The following MTMR7 variants were observed in gnomAD, a reference collection of about 807,000 sequenced individuals.
MTMR7 encodes the protein myotubularin related protein 7.
In MTMR7, 76 loss-of-function variants were observed where a neutral mutation model predicts 81.2. The ratio of observed to expected loss-of-function variants is 0.94; its 90% CI spans 0.78 to 1.13. The LOEUF (loss-of-function observed/expected upper bound fraction) is 1.13. MTMR7 is among the 50% of genes most tolerant of loss of function. MTMR7 has a pLI of 0.00. For missense variants in MTMR7, 1,044 were observed against 820.0 expected (o/e 1.27, Z -3.34); for synonymous variants, 372 against 289.8 (o/e 1.28, Z -2.88).
At chr8:17,364,018 ATTATTTTT>A (rs1335049376) in intron 3 of MTMR7, among the ~76,000 whole-genome samples, 2 of 53,804 alleles carry the variant, frequency 3.7e-5, no homozygotes, top group Admixed American at 1.8e-4. Flanking sequence ...AAGTGTTGCT[ATTATTTTT>A]TTTTTTTTTT....
chr8:17,304,464 A>G lies in MTMR7; in HGVS notation c.1408T>C (p.Tyr470His), dbSNP rs370848870. The change falls in exon 12 of 14, where the codon TAC (tyrosine) becomes CAC (histidine). Residue 470 changes from tyrosine to histidine, a missense_variant. Coordinates refer to ENST00000180173, the MANE Select transcript of MTMR7 (RefSeq NM_004686.5). The part of the protein sequence containing the change: ...WAHLWKNRAD[Y>H]LNPLFRADHS... ...TCAGCTCTAAACAGAGGATTCAGGTAGTCGGCCCGATTCTTCCACAGGTGA... is the reference window on the plus strand; with the variant it reads ...TCAGCTCTAAACAGAGGATTCAGGTGGTCGGCCCGATTCTTCCACAGGTGA... 9 of 1,613,982 alleles carry G rather than the reference A, an allele frequency of 5.6e-6. No homozygotes were observed. The highest frequency in any genetic ancestry group is 1.3e-5 in the African/African-American group (1 of 74,924).
chr8:17,362,252 A>T (rs1298394332), intron 3 of MTMR7, among the ~76,000 whole-genome samples: 1 of 152,212 alleles, frequency 6.6e-6, no homozygotes, highest in Non-Finnish European at 1.5e-5. Flanking sequence ...AATATTTGAT[A>T]CATTTTGTTT....
chr8:17,369,941 G>A (rs1820361140), intron 3 of MTMR7, among the ~76,000 whole-genome samples: 1 of 151,970 alleles, frequency 6.6e-6, no homozygotes, highest in South Asian at 2.1e-4. Flanking sequence ...CACCGCGTCA[G>A]GCCGAGTATA....
chr8:17,382,449 C>T (rs1820787698), intron 1 of MTMR7, among the ~76,000 whole-genome samples: 1 of 152,194 alleles, frequency 6.6e-6, no homozygotes, highest in Non-Finnish European at 1.5e-5. Flanking sequence ...TGAGTTATTT[C>T]TGTCTCTCAT....
chr8:17,347,657 T>G (rs575548412), intron 5 of MTMR7, among the ~76,000 whole-genome samples: 1 of 152,288 alleles, frequency 6.6e-6, no homozygotes, highest in Non-Finnish European at 1.5e-5. Flanking sequence ...TTAAACCACC[T>G]TTTTTAAAGG....
rs896488449 is a variant in MTMR7, at chr8:17,400,379, G to C, written c.24+12890C>G. Among the ~76,000 whole-genome samples the C allele has an allele frequency of 1.8e-4, 27 of 152,166 alleles. 1 individual carries two copies. Among genetic ancestry groups the C allele is most frequent in the Admixed American group, 9.2e-4 (14 of 15,268 alleles). ...AGTGAGCTGTAAGAGGCAGAGTGAG[G>C]ATTCAAAACCAGGCATTGTGGCCCC... On this transcript the variant is annotated intron_variant, in intron 1 of 13. Transcript: ENST00000180173.
At chr8:17,373,058 C>G in intron 2 of MTMR7, 60 bp downstream of exon 2, 1 of 1,592,148 alleles carries the variant, frequency 6.3e-7, no homozygotes, top group South Asian at 1.1e-5. Context: ...GAATGGAGGG[C>G]AAACACTTTT....
chr8:17,305,165 G>A (rs192191141), intron 11 of MTMR7, among the ~76,000 whole-genome samples: 1 of 152,100 alleles, frequency 6.6e-6, no homozygotes, highest in Non-Finnish European at 1.5e-5. Flanking sequence ...CATTTCATTT[G>A]AACTGATCAT....
intron 7 of MTMR7, among the ~76,000 whole-genome samples, chr8:17,325,676 G>A (rs1304901148): frequency 6.6e-6 from 1 of 152,186 alleles, no homozygotes. Flanking sequence ...AACTTGCTGA[G>A]AAAATACCCA....
intron 10 of MTMR7, among the ~76,000 whole-genome samples, chr8:17,307,212 A>G (rs1000033426): frequency 1.3e-5 from 2 of 152,222 alleles, no homozygotes; most frequent in African/African-American, 4.8e-5. Context: ...AACCCCATCA[A>G]AAAGTGGGCA....
chr8:17,299,881 G>A lies in MTMR7; in HGVS notation c.1964C>T (p.Ala655Val), dbSNP rs755942053. The change falls in exon 14 of 14, where the codon GCC becomes GTC. Residue 655 changes from alanine (A) to valine (V), a missense_variant. Transcript: ENST00000180173. ...GAAACTTCAGGCAGTGAGAAACACG[G>A]CTTCATCAGAATCCCGGTCCTTGCC... is the stretch of plus-strand genomic sequence containing the variant. ...DSGKDRDSDE[A>V]VFLTA 1.2e-6 allele frequency: 2 copies of A among 1,614,046 alleles called. No individual in the cohort carries two copies. Among genetic ancestry groups the A allele is most frequent in the Non-Finnish European group, 1.7e-6 (2 of 1,179,966 alleles).
At chr8:17,380,190 A>G (rs1231731482) in intron 1 of MTMR7, among the ~76,000 whole-genome samples, 1 of 152,210 alleles carries the variant, frequency 6.6e-6, no homozygotes, top group Admixed American at 6.5e-5. Flanking sequence ...GGGGCATTTC[A>G]AAGAACTCCA....
Position 17,299,468 on chromosome 8 carries a change from A to G in MTMR7, c.*394T>C. The G allele has an allele frequency of 5.7e-6, 1 of 174,466 alleles. No individual in the cohort carries two copies. Among genetic ancestry groups the G allele is most frequent in the Non-Finnish European group, 1.2e-5 (1 of 80,474 alleles). The allele number at this position is 174,466 out of a possible 1,614,324, so 10.8% of individuals were successfully genotyped here. A position where few individuals can be genotyped will look rare whatever the true frequency, so the allele number is the denominator to read the frequency against. On this transcript the variant is annotated 3_prime_UTR_variant, in exon 14 of 14. Coordinates refer to ENST00000180173, the MANE Select transcript of MTMR7 (RefSeq NM_004686.5). ...ATGCTTTAGAAAACACAAAATATGC[A>G]TCTAGAAGTGAACTAAAAGAATCAT...
chr8:17,320,740 A>T (rs1818342769), intron 7 of MTMR7, among the ~76,000 whole-genome samples: 1 of 152,206 alleles, frequency 6.6e-6, no homozygotes, highest in Non-Finnish European at 1.5e-5. Flanking sequence ...AATACCAGAC[A>T]GGCCCTCCAA....
chr8:17,394,620 G>A (rs990199040), intron 1 of MTMR7, among the ~76,000 whole-genome samples: 1 of 152,070 alleles, frequency 6.6e-6, no homozygotes, highest in African/African-American at 2.4e-5. Context: ...AGTAGTGATG[G>A]TTACATAATG....
intron 1 of MTMR7, among the ~76,000 whole-genome samples, chr8:17,382,518 A>G (rs1394661111): frequency 1.4e-5 from 2 of 146,068 alleles, no homozygotes; most frequent in African/African-American, 5.4e-5. Flanking sequence ...GTACTCAAAA[A>G]TAAAGACTTT....
chr8:17,306,549 C>T (rs1010123128), intron 10 of MTMR7, among the ~76,000 whole-genome samples: 1 of 152,184 alleles, frequency 6.6e-6, no homozygotes, highest in African/African-American at 2.4e-5. Flanking sequence ...TCAGACTCGT[C>T]TTCCTCAAAT....
Position 17,396,509 on chromosome 8 carries a change from TG to T in MTMR7, c.24+16759del, listed in dbSNP as rs201243734. Among the ~76,000 whole-genome samples the T allele has an allele frequency of 9.7e-4, 148 of 152,176 alleles. 2 individuals are homozygous for T. In the East Asian group the frequency reaches 0.025, roughly 26 times the overall value. On this transcript the variant is annotated intron_variant, in intron 1 of 13. Transcript: ENST00000180173. ...GCCCTACCATAGCAAAGCAAAGATG[TG>T]TTGGGCTCAGGGAGTATGTGGACCA...
At chr8:17,402,665 A>G (rs1321643351) in intron 1 of MTMR7, among the ~76,000 whole-genome samples, 3 of 152,152 alleles carry the variant, frequency 2.0e-5, no homozygotes, top group Non-Finnish European at 1.5e-5. Flanking sequence ...TCGTCTGTTG[A>G]TGGCCACTTA....
Sources: allele counts gnomAD v4.1 joint callset (sites outside exome capture counted in the v4.1 genomes callset), GRCh38; gene constraint gnomAD v4.1.1; transcripts MANE v1.5; gene names NCBI Gene and HGNC (gene_info 2026-07-23, HGNC 2026-07-21).